The following ZNF582 variants were observed in gnomAD, a reference collection of about 807,000 sequenced individuals.
ZNF582 encodes the protein zinc finger protein 582.
ZNF582 carries 14 observed loss-of-function variants against 12.3 expected under a neutral mutation model. The ratio of observed to expected loss-of-function variants is 1.14; its 90% CI spans 0.75 to 1.78. The LOEUF (loss-of-function observed/expected upper bound fraction) is 1.78, where lower values mean the gene tolerates loss of function less well. Ranked by LOEUF, ZNF582 falls within the 40% of genes most tolerant of loss-of-function variation. The pLI is 0.00. For synonymous variants in ZNF582, 210 were observed against 207.2 expected, an observed-to-expected ratio of 1.01 and a Z score of -0.11; for missense variants, 567 against 616.5, an observed-to-expected ratio of 0.92 and a Z score of 0.85.
In ZNF582 at chr19:56,387,221, A is replaced by G. The variant is rs1476163581; in HGVS notation, c.233-2037T>C. Among the ~76,000 whole-genome samples, 7 of 152,204 alleles carry G rather than the reference A, an allele frequency of 4.6e-5. No individual in the cohort carries two copies. In the East Asian group the frequency reaches 1.2e-3, roughly 25 times the overall value. The stretch of plus-strand genomic sequence containing the variant: ...GGGTGAAAGAGCAGGAGGGAATTCT[A>G]TGTTACGTATTTCTATAAAAACATT... On this transcript the variant is annotated intron_variant, in intron 4 of 4. Transcript: ENST00000586929.
At chr19:56,393,509 A>ACGGTAC (rs1469656257) in exon 1 of ZNF582, 2 of 501,162 alleles carry the variant, frequency 4.0e-6, no homozygotes, top group African/African-American at 3.9e-5. Flanking sequence ...CGCTTCCACC[A>ACGGTAC]CGGTACCGGT....
chr19:56,383,872 T>A (rs569116044), exon 5 of ZNF582: 1 of 1,571,236 alleles, frequency 6.4e-7, no homozygotes, highest in African/African-American at 1.4e-5. Flanking sequence ...CCTAGGCTAA[T>A]GGGCTTTCCC....
Position 56,383,939 on chromosome 19 carries a change from G to A in ZNF582, c.1478C>T (p.Pro493Leu), listed in dbSNP as rs1005683752. Residue 493 changes from proline (P) to leucine (L), a missense_variant, in exon 5 of 5, where the codon CCC becomes CTC. By Grantham distance (98) the Pro-to-Leu change is moderately conservative. Transcript: ENST00000586929. ...CATAAATTCTCTGATGATTAGTAAG[G>A]GGTAACTGCTGATGGAAGGCTTTTC... The A allele has an allele frequency of 6.2e-7, 1 of 1,612,742 alleles. No individual in the cohort carries two copies. Among genetic ancestry groups the A allele is most frequent in the Non-Finnish European group, 8.5e-7 (1 of 1,179,544 alleles).
At chr19:56,385,046 C>G in exon 5 of ZNF582, 1 of 1,614,132 alleles carries the variant, frequency 6.2e-7, no homozygotes. Flanking sequence ...CTGGTTTCTG[C>G]ATTCCCAATC....
intron 1 of ZNF582, among the ~76,000 whole-genome samples, chr19:56,392,908 G>A (rs1017662854): frequency 6.6e-6 from 1 of 152,068 alleles, no homozygotes; most frequent in Non-Finnish European, 1.5e-5. Context: ...TGATGTAATA[G>A]GCAGCTTTTC....
intron 4 of ZNF582, chr19:56,386,384 A>G (rs905559055): frequency 2.6e-5 from 4 of 152,244 alleles, no homozygotes; most frequent in African/African-American, 9.6e-5. Flanking sequence ...CCCATTATCA[A>G]CTGAATGACA....
intron 3 of ZNF582, 30 bp downstream of exon 3, chr19:56,390,345 C>G: frequency 6.2e-7 from 1 of 1,613,886 alleles, no homozygotes; most frequent in Admixed American, 1.7e-5. Flanking sequence ...CCAAGGATAA[C>G]CTCCAAACTA....
At chr19:56,383,863 C>T (rs2041938509) in exon 5 of ZNF582, 5 of 1,557,912 alleles carry the variant, frequency 3.2e-6, no homozygotes, top group Non-Finnish European at 1.7e-6. Context: ...CACAATTAGC[C>T]TAGGCTAATG....
rs771981694 is a variant in ZNF582 at position 56,384,210 on chromosome 19, C to T, written c.1207G>A (p.Ala403Thr). Residue 403 changes from alanine (A) to threonine (T), a missense_variant, in exon 5 of 5, where the codon GCC becomes ACC. Physicochemically the swap from Ala to Thr is moderately conservative, Grantham distance 58. Transcript: ENST00000586929. The stretch of plus-strand genomic sequence containing the variant: ...GTAAGATGTGAGACCCGTTTGAAGG[C>T]CCTACCACATACCTTACATTGGTAG... 9 of 1,611,964 alleles carry T rather than the reference C, an allele frequency of 5.6e-6. No homozygotes were observed. The highest frequency in any genetic ancestry group is 2.2e-5 in the East Asian group (1 of 44,806).
At chr19:56,389,854 T>C in intron 4 of ZNF582, 147 bp downstream of exon 4, 2 of 602,272 alleles carry the variant, frequency 3.3e-6, no homozygotes, top group South Asian at 4.4e-5. Flanking sequence ...CTTTGTCAAA[T>C]GCTGCTGACG....
chr19:56,384,780 GT>G lies in ZNF582; in HGVS notation c.636del (p.Arg213AspfsTer2). 6.3e-7 allele frequency: 1 copy of G among 1,595,626 alleles called. No homozygotes were observed. The highest frequency in any genetic ancestry group is 8.5e-7 in the Non-Finnish European group (1 of 1,172,282). The stretch of plus-strand genomic sequence containing the variant: ...TGAATATTCTCATGTTGAATTAGTC[GT>G]GAGCCATATTTAAAGGCCTTCCCAC... On this transcript the variant is annotated frameshift_variant, in exon 5 of 5. Transcript: ENST00000586929. LOFTEE classifies it low-confidence loss of function (END_TRUNC).
chr19:56,382,896 G>C (rs904214504), exon 5 of ZNF582: 1 of 152,168 alleles, frequency 6.6e-6, no homozygotes, highest in African/African-American at 2.4e-5. Context: ...CAAGACAGCT[G>C]CAGCAGCTTC....
chr19:56,384,164 G>C (rs781321611), exon 5 of ZNF582: 15 of 1,612,182 alleles, frequency 9.3e-6, no homozygotes, highest in Non-Finnish European at 1.3e-5. Context: ...CTTTTCACCT[G>C]TATGAATTCT....
At chr19:56,391,830 G>T in exon 2 of ZNF582, 1 of 1,613,812 alleles carries the variant, frequency 6.2e-7, no homozygotes. Flanking sequence ...TGCGACGGTA[G>T]AGCTGGGGGA....
intron 2 of ZNF582, 85 bp from the exon 3 acceptor site, chr19:56,390,586 G>T (rs770071559): frequency 5.8e-5 from 87 of 1,510,288 alleles, no homozygotes; most frequent in Middle Eastern, 1.7e-4. Context: ...TTTGCGGGAG[G>T]GGGGGTTGTT....
chr19:56,388,779 C>CGCCA (rs1404877344), intron 4 of ZNF582, among the ~76,000 whole-genome samples: 296 of 152,222 alleles, frequency 1.9e-3, no homozygotes, highest in Admixed American at 2.3e-3. Flanking sequence ...ATTATAGGCA[C>CGCCA]GTGCCACCAC....
exon 5 of ZNF582, chr19:56,384,364 G>T: frequency 6.2e-7 from 1 of 1,611,856 alleles, no homozygotes; most frequent in Non-Finnish European, 8.5e-7. Context: ...TAAGAGTTGA[G>T]CCTTGATTAA....
chr19:56,393,512 G>T (rs1220219587), exon 1 of ZNF582: 1 of 498,726 alleles, frequency 2.0e-6, no homozygotes, highest in Non-Finnish European at 4.0e-6. Flanking sequence ...TTCCACCACG[G>T]TACCGGTGGA....
At chr19:56,384,244 T>G (rs1433015309) in exon 5 of ZNF582, 1 of 1,613,950 alleles carries the variant, frequency 6.2e-7, no homozygotes, top group Non-Finnish European at 8.5e-7. Flanking sequence ...AGGGTTTCTC[T>G]CCAGTGTGAA....
Sources: allele counts gnomAD v4.1 joint callset (sites outside exome capture counted in the v4.1 genomes callset), GRCh38; gene constraint gnomAD v4.1.1; transcripts MANE v1.5; gene names NCBI Gene and HGNC (gene_info 2026-07-23, HGNC 2026-07-21).